SNTG2: variants seen among roughly 807,000 people sequenced by gnomAD.
SNTG2 encodes the protein gamma-2-syntrophin.
In SNTG2, 74 loss-of-function variants were observed where a neutral mutation model predicts 70.9. The ratio of observed to expected loss-of-function variants is 1.04; its 90% confidence interval spans 0.86 to 1.27. The LOEUF is 1.27. SNTG2 is among the 50% of genes most tolerant of loss of function. The pLI, the probability that SNTG2 is intolerant of heterozygous loss-of-function variation, is 0.00. For synonymous variants in SNTG2, 278 were observed against 273.8 expected, an observed-to-expected ratio of 1.02 and a Z score of -0.15; for missense variants, 717 against 690.7, an observed-to-expected ratio of 1.04 and a Z score of -0.43.
chr2:1,315,467 G>A (rs1049129682), intron 15 of SNTG2, among the ~76,000 whole-genome samples: 4 of 151,166 alleles, frequency 2.6e-5, no homozygotes, highest in African/African-American at 7.3e-5. Flanking sequence ...GAAATTTGAC[G>A]TATGGCTTGC....
At chr2:1,014,627 C>G (rs1659824182) in intron 1 of SNTG2, among the ~76,000 whole-genome samples, 1 of 123,206 alleles carries the variant, frequency 8.1e-6, no homozygotes, top group Non-Finnish European at 1.8e-5. Context: ...TTTATAAGGA[C>G]AGAGAGAAGG....
intron 14 of SNTG2, among the ~76,000 whole-genome samples, chr2:1,274,919 TGCAGG>T (rs1466035338): frequency 6.6e-6 from 1 of 152,240 alleles, no homozygotes; most frequent in Non-Finnish European, 1.5e-5. Context: ...CTCATAGTTC[TGCAGG>T]CTGGGAAGTT....
At chr2:1,153,446 C>T (rs1006523220) in intron 6 of SNTG2, among the ~76,000 whole-genome samples, 2 of 152,104 alleles carry the variant, frequency 1.3e-5, no homozygotes, top group African/African-American at 4.8e-5. Flanking sequence ...GTTCGAATGA[C>T]ACATCAAAAG....
At chr2:972,547 TAC>T (rs1660777366) in intron 1 of SNTG2, among the ~76,000 whole-genome samples, 1 of 152,200 alleles carries the variant, frequency 6.6e-6, no homozygotes, top group African/African-American at 2.4e-5. Flanking sequence ...ACACTATTGA[TAC>T]AGTTTGGATC....
intron 4 of SNTG2, among the ~76,000 whole-genome samples, chr2:1,130,417 C>A (rs1439672438): frequency 6.6e-6 from 1 of 152,092 alleles, no homozygotes. Context: ...TGATATTTTA[C>A]ATAATAAAAT....
At chr2:1,096,983 C>A (rs142388287) in intron 2 of SNTG2, among the ~76,000 whole-genome samples, 35 of 152,144 alleles carry the variant, frequency 2.3e-4, no homozygotes, top group Admixed American at 2.0e-3. Flanking sequence ...TGTAGCAAAG[C>A]CCCCGAAATA....
intron 1 of SNTG2, among the ~76,000 whole-genome samples, chr2:967,310 GA>G (rs1203018135): frequency 1.3e-5 from 2 of 152,076 alleles, no homozygotes; most frequent in Non-Finnish European, 2.9e-5. Flanking sequence ...TATCTTAAAG[GA>G]AAAACATTCA....
chr2:996,137 C>T (rs187559670), intron 1 of SNTG2, among the ~76,000 whole-genome samples: 86 of 152,274 alleles, frequency 5.6e-4, no homozygotes, highest in African/African-American at 2.0e-3. Flanking sequence ...TGTGATTGCA[C>T]ACAGGTGGCC....
At chr2:1,141,609 T>C (rs1371187601) in intron 6 of SNTG2, among the ~76,000 whole-genome samples, 1 of 152,172 alleles carries the variant, frequency 6.6e-6, no homozygotes, top group Non-Finnish European at 1.5e-5. Context: ...GGAATAAAAT[T>C]TACCTCCTCC....
At chr2:1,139,040 A>G (rs1285453519) in intron 6 of SNTG2, among the ~76,000 whole-genome samples, 2 of 152,194 alleles carry the variant, frequency 1.3e-5, no homozygotes, top group East Asian at 3.9e-4. Flanking sequence ...TCACAACAAC[A>G]AGGATCAGCA....
At chr2:1,221,753 G>C (rs1374812497) in intron 9 of SNTG2, among the ~76,000 whole-genome samples, 5 of 1,056 alleles carry the variant, frequency 4.7e-3, no homozygotes, top group Admixed American at 0.014. Flanking sequence ...GTCTCTGTCT[G>C]TGTCTCTCTC....
chr2:1,166,598 G>A (rs1188375560), intron 7 of SNTG2, among the ~76,000 whole-genome samples: 1 of 152,192 alleles, frequency 6.6e-6, no homozygotes, highest in African/African-American at 2.4e-5. Context: ...CACTGATACA[G>A]GAGGGGGGCA....
intron 1 of SNTG2, among the ~76,000 whole-genome samples, chr2:1,044,718 C>A (rs1661628508): frequency 6.6e-6 from 1 of 152,164 alleles, no homozygotes; most frequent in South Asian, 2.1e-4. Context: ...GTTGAACCAA[C>A]CTTGCATCCC....
At chr2:1,232,870 TACAC>T (rs1015300337) in intron 9 of SNTG2, among the ~76,000 whole-genome samples, 3 of 152,250 alleles carry the variant, frequency 2.0e-5, no homozygotes, top group East Asian at 3.9e-4. Flanking sequence ...TGAGCTAAAA[TACAC>T]ACACATGCAC....
intron 1 of SNTG2, among the ~76,000 whole-genome samples, chr2:979,975 C>T (rs1227754034): frequency 6.6e-6 from 1 of 151,982 alleles, no homozygotes; most frequent in Non-Finnish European, 1.5e-5. Context: ...TAAAAACAAA[C>T]ACAAAAAGTA....
chr2:1,087,587 C>A (rs1215114885), intron 2 of SNTG2, among the ~76,000 whole-genome samples: 3 of 152,044 alleles, frequency 2.0e-5, no homozygotes, highest in Admixed American at 6.5e-5. Context: ...TACAACTGTG[C>A]AAATGAGACT....
intron 16 of SNTG2, among the ~76,000 whole-genome samples, chr2:1,320,998 A>G (rs1284894212): frequency 2.0e-5 from 3 of 152,262 alleles, no homozygotes; most frequent in Non-Finnish European, 4.4e-5. Flanking sequence ...GGGTCAGCAC[A>G]TATGTACACT....
Position 985,004 on chromosome 2 carries a change from T to C in SNTG2, c.72+33936T>C, listed in dbSNP as rs554051498. On this transcript the variant is annotated intron_variant, in intron 1 of 16. Transcript: ENST00000308624. ...GGCTGCACAATTTGCTGGGGGAGTT[T>C]TTCTGTGCAGAAGCATATTATATGT... Among the ~76,000 whole-genome samples, 8 of 152,332 alleles carry C rather than the reference T, an allele frequency of 5.3e-5. 1 individual carries two copies. The highest frequency in any genetic ancestry group is 1.9e-4 in the African/African-American group (8 of 41,568).
At chr2:1,259,158 T>A (rs1678282020) in intron 12 of SNTG2, among the ~76,000 whole-genome samples, 1 of 152,216 alleles carries the variant, frequency 6.6e-6, no homozygotes, top group Admixed American at 6.5e-5. Context: ...GTAAAGGATC[T>A]ATTATATTTG....
Sources: allele counts gnomAD v4.1 joint callset (sites outside exome capture counted in the v4.1 genomes callset), GRCh38; gene constraint gnomAD v4.1.1; transcripts MANE v1.5; gene names NCBI Gene and HGNC (gene_info 2026-07-23, HGNC 2026-07-21).